Variants in MRTFB observed in about 807,000 individuals in gnomAD.
MRTFB encodes myocardin related transcription factor B.
MRTFB carries 29 observed loss-of-function variants against 104.2 expected under a neutral mutation model. The ratio of observed to expected loss-of-function variants is 0.28; its 90% CI spans 0.21 to 0.38. The LOEUF (loss-of-function observed/expected upper bound fraction) is 0.38, where lower values mean the gene tolerates loss of function less well. Among genes scored for constraint, MRTFB ranks in the 10% least tolerant of loss-of-function variants. The pLI is 1.00. For missense variants in MRTFB, 1,270 were observed against 1,341.6 expected (o/e 0.95, Z 0.83); for synonymous variants, 535 against 519.5 (o/e 1.03, Z -0.41).
In MRTFB at chr16:14,263,107, T is replaced by G. The variant is rs1445219223; in HGVS notation, c.*1663T>G. 1 of 152,318 alleles carries G rather than the reference T, an allele frequency of 6.6e-6. No individual in the cohort carries two copies. Among genetic ancestry groups the G allele is most frequent in the South Asian group, 2.1e-4 (1 of 4,838 alleles). 9.4% of individuals were successfully genotyped at this position (152,318 alleles called of 1,614,324 possible). ...GAGCACACTGGAGCCCTCTGCTCAC[T>G]GGCACTTCCTGACTCAAAGGCACTA... On this transcript the variant is annotated 3_prime_UTR_variant, in exon 17 of 17. Transcript: ENST00000571589.
At chr16:14,260,832 AC>A in intron 16 of MRTFB, 76 bp from the exon 17 acceptor site, 1 of 1,211,830 alleles carries the variant, frequency 8.3e-7, no homozygotes, top group South Asian at 1.5e-5. Context: ...TAGCAATGTA[AC>A]TGTCCTAGTA....
At chr16:14,159,198 C>A (rs74470478) in intron 3 of MRTFB, among the ~76,000 whole-genome samples, 1 of 152,012 alleles carries the variant, frequency 6.6e-6, no homozygotes, top group Non-Finnish European at 1.5e-5. Flanking sequence ...AAGTTGTATT[C>A]TTCTTTATAC....
intron 2 of MRTFB, among the ~76,000 whole-genome samples, chr16:14,111,694 T>G (rs1234628409): frequency 1.3e-5 from 2 of 152,148 alleles, no homozygotes; most frequent in African/African-American, 2.4e-5. Flanking sequence ...AGGGAGGGGC[T>G]GACTAACCTG....
chr16:14,113,901 G>A (rs1047727467), intron 2 of MRTFB, among the ~76,000 whole-genome samples: 1 of 152,008 alleles, frequency 6.6e-6, no homozygotes, highest in Non-Finnish European at 1.5e-5. Context: ...TGGTTTCATA[G>A]GTCTCTTGAA....
At chr16:14,003,709 T>C in the MRTFB span, among the ~76,000 whole-genome samples, 1 of 141,816 alleles carries the variant, frequency 7.1e-6, no homozygotes, top group African/African-American at 2.6e-5. Context: ...TCCTTCTTCC[T>C]TCCCTCCCTG....
At chr16:14,058,133 G>T in the MRTFB span, among the ~76,000 whole-genome samples, 1 of 152,208 alleles carries the variant, frequency 6.6e-6, no homozygotes, top group East Asian at 1.9e-4. Flanking sequence ...CCAACTTCCT[G>T]GGGAGCCAAC....
the MRTFB span, among the ~76,000 whole-genome samples, chr16:14,015,670 G>A: frequency 6.6e-6 from 1 of 152,146 alleles, no homozygotes; most frequent in African/African-American, 2.4e-5. Context: ...CACCAGGAAT[G>A]GATCGTTGCC....
intron 3 of MRTFB, among the ~76,000 whole-genome samples, chr16:14,150,408 G>A (rs2038555567): frequency 6.6e-6 from 1 of 152,126 alleles, no homozygotes; most frequent in African/African-American, 2.4e-5. Context: ...TATAACTTTT[G>A]GCTGCCTATC....
intron 9 of MRTFB, among the ~76,000 whole-genome samples, chr16:14,236,966 TGAA>T (rs1472238079): frequency 6.6e-6 from 1 of 152,130 alleles, no homozygotes; most frequent in Non-Finnish European, 1.5e-5. Context: ...ATATGTGGTG[TGAA>T]GAAGAGGAGT....
chr16:14,226,052 A>G (rs1017374196), intron 8 of MRTFB, among the ~76,000 whole-genome samples: 2 of 152,170 alleles, frequency 1.3e-5, no homozygotes, highest in Non-Finnish European at 2.9e-5. Flanking sequence ...AACAATGCAA[A>G]AGGAGAGGAG....
At chr16:14,234,054 T>A (rs2042388483) in intron 8 of MRTFB, 92 bp from the exon 9 acceptor site, 1 of 1,504,680 alleles carries the variant, frequency 6.6e-7, no homozygotes, top group East Asian at 2.3e-5. Context: ...TCTAGTGGGC[T>A]TAAAAACCAG....
the MRTFB span, among the ~76,000 whole-genome samples, chr16:14,032,610 A>G: frequency 1.1e-4 from 16 of 151,828 alleles, no homozygotes; most frequent in Admixed American, 2.6e-4. Context: ...GATTATGGGA[A>G]CCTCCAATTT....
At position 14,265,869 on chromosome 16, in the gene MRTFB, T is replaced by A. The variant is rs964117217; in HGVS notation, c.*4425T>A. The A allele has an allele frequency of 1.2e-4, 19 of 152,204 alleles. No individual in the cohort carries two copies. Among genetic ancestry groups the A allele is most frequent in the Non-Finnish European group, 2.5e-4 (17 of 68,028 alleles). The allele number at this position is 152,204 out of a possible 1,614,324, so 9.4% of individuals were successfully genotyped here. A position where few individuals can be genotyped will look rare whatever the true frequency, so the allele number is the denominator to read the frequency against. On this transcript the variant is annotated 3_prime_UTR_variant, in exon 17 of 17. Transcript: ENST00000571589. ...ATATGTTATCAGAGATATCATCACATCTATAGTGTTTAACAGAGCTTTATG... is the reference window on the plus strand; with the variant it reads ...ATATGTTATCAGAGATATCATCACAACTATAGTGTTTAACAGAGCTTTATG...
chr16:14,152,114 AAC>A (rs1329740184), intron 3 of MRTFB: 5 of 152,188 alleles, frequency 3.3e-5, no homozygotes, highest in Non-Finnish European at 7.3e-5. Flanking sequence ...GAAGTAATAA[AAC>A]AGTTATTTGT....
chr16:14,147,835 A>G (rs58583715), intron 3 of MRTFB, among the ~76,000 whole-genome samples: 13,512 of 152,226 alleles, frequency 0.089, 1,239 homozygotes, highest in African/African-American at 0.23. Context: ...AATACCTTTG[A>G]GGCATCATAA....
At chr16:14,252,844 A>G (rs949287107) in intron 15 of MRTFB, among the ~76,000 whole-genome samples, 2 of 152,120 alleles carry the variant, frequency 1.3e-5, no homozygotes, top group African/African-American at 2.4e-5. Context: ...TAAAGCCACC[A>G]TGTGTCAGGC....
At chr16:14,039,910 G>A in the MRTFB span, among the ~76,000 whole-genome samples, 5 of 151,928 alleles carry the variant, frequency 3.3e-5, no homozygotes, top group African/African-American at 4.8e-5. Flanking sequence ...CACCACGCCT[G>A]TCTAATTTTG....
At chr16:14,256,926 G>T (rs1227299623) in intron 15 of MRTFB, among the ~76,000 whole-genome samples, 2 of 152,208 alleles carry the variant, frequency 1.3e-5, no homozygotes, top group Non-Finnish European at 2.9e-5. Context: ...GCAGTAGCCA[G>T]AAGATTTGAA....
Position 14,177,118 on chromosome 16 carries a change from A to G in MRTFB, c.155-33125A>G, listed in dbSNP as rs979853674. The stretch of plus-strand genomic sequence containing the variant: ...TATTAGTGAATACCAAGTAGTTCGA[A>G]TTAGCTGAAGCATAGGGAACATGTA... On this transcript the variant is annotated intron_variant, in intron 3 of 16. Coordinates refer to ENST00000571589, the MANE Select transcript of MRTFB (RefSeq NM_001308142.2). This position sits in a 1 kb window ranked among gnomAD's most constrained non-coding sequence, Gnocchi z 4.7. Among the ~76,000 whole-genome samples, 1 of 152,260 alleles carries G rather than the reference A, an allele frequency of 6.6e-6. No homozygotes were observed. Among genetic ancestry groups the G allele is most frequent in the Non-Finnish European group, 1.5e-5 (1 of 68,044 alleles).
Sources: gnomAD v4.1 joint callset for allele counts (sites outside exome capture counted in the v4.1 genomes callset) on GRCh38, gnomAD v4.1.1 for gene constraint, Gnocchi (gnomAD v3.1) non-coding constraint, MANE v1.5 for transcripts, NCBI Gene and HGNC (gene_info 2026-07-23, HGNC 2026-07-21) for gene names.